ARHGAP6: variants seen among roughly 807,000 people sequenced by gnomAD.
ARHGAP6 encodes Rho GTPase activating protein 6.
ARHGAP6 carries 16 observed loss-of-function variants against 55.7 expected under a neutral mutation model. The observed-to-expected ratio is 0.29, with a 90% CI of 0.19 to 0.44. The LOEUF (loss-of-function observed/expected upper bound fraction) is 0.44, where lower values mean the gene tolerates loss of function less well. Among genes scored for constraint, ARHGAP6 ranks in the 20% least tolerant of loss-of-function variants. The pLI, the probability that ARHGAP6 is intolerant of heterozygous loss-of-function variation, is 1.00. For missense variants in ARHGAP6, 698 were observed against 808.9 expected (o/e 0.86, Z 1.66); for synonymous variants, 382 against 360.9 (o/e 1.06, Z -0.66).
chrX:11,542,777 A>T (rs898886351), intron 1 of ARHGAP6, among the ~76,000 whole-genome samples: 4 of 111,956 alleles, frequency 3.6e-5, no homozygotes, highest in African/African-American at 1.3e-4. Flanking sequence ...TTCCACCCCA[A>T]GAACACACAA....
intron 1 of ARHGAP6, among the ~76,000 whole-genome samples, chrX:11,255,081 G>A (rs2147486826): frequency 8.9e-6 from 1 of 111,789 alleles, no homozygotes; most frequent in South Asian, 3.7e-4. Context: ...GATATAGGGG[G>A]ATGAGTGTGT....
At chrX:11,153,524 CAAAAA>C (rs55669123) in intron 10 of ARHGAP6, among the ~76,000 whole-genome samples, 10 of 20,116 alleles carry the variant, frequency 5.0e-4, no homozygotes, top group East Asian at 2.1e-3. Flanking sequence ...GACTCGATCT[CAAAAA>C]AAAAAAAAAA....
At position 11,143,970 on chromosome X, in the gene ARHGAP6, C is replaced by G; in HGVS notation, c.2176+10G>C. On this transcript the variant is annotated intron_variant, in intron 11 of 12. Coordinates refer to ENST00000337414, the MANE Select transcript of ARHGAP6 (RefSeq NM_013427.3). ...TTTTGGCCAGCGCCTGCTGGCCAGG[C>G]TCCAGTTACCTTTCCCAAGCCTTGG... The G allele has an allele frequency of 8.3e-7, 1 of 1,212,121 alleles. No individual in the cohort carries two copies. The highest frequency in any genetic ancestry group is 1.1e-6 in the Non-Finnish European group (1 of 895,561).
At chrX:11,222,227 G>C (rs757309886) in intron 2 of ARHGAP6, among the ~76,000 whole-genome samples, 13 of 111,828 alleles carry the variant, frequency 1.2e-4, no homozygotes, top group African/African-American at 4.2e-4. Flanking sequence ...ATTCAAAAAA[G>C]TTTGAGAAAA....
intron 1 of ARHGAP6, among the ~76,000 whole-genome samples, chrX:11,386,191 A>T (rs2049326171): frequency 8.8e-6 from 1 of 113,137 alleles, no homozygotes; most frequent in South Asian, 3.6e-4. Flanking sequence ...CTCTGGAACG[A>T]ACCTGAGATG....
chrX:11,211,523 C>CCCAG (rs1326709475), intron 2 of ARHGAP6, among the ~76,000 whole-genome samples: 1 of 108,765 alleles, frequency 9.2e-6, no homozygotes. Flanking sequence ...GGCCACTGCG[C>CCCAG]CTGGCCTATG....
rs1438166031 is a variant in ARHGAP6, at chrX:11,139,501, A to G, written c.2287T>C (p.Ser763Pro). ...AGGGAGCAGGGCCCCGCTCTTAGGGAGCTGCTTTCAAAAATGTCTCCAGAG... is the reference window on the plus strand; with the variant it reads ...AGGGAGCAGGGCCCCGCTCTTAGGGGGCTGCTTTCAAAAATGTCTCCAGAG... ...GSSGDIFESS[S>P]LRAGPCSLSQ... Residue 763 changes from serine (S) to proline (P), a missense_variant, in exon 13 of 13, where the codon TCC (serine) becomes CCC (proline). By Grantham distance (74) the Ser-to-Pro change is moderately conservative. Transcript: ENST00000337414. 1 of 1,142,315 alleles carries G rather than the reference A, an allele frequency of 8.8e-7. No individual in the cohort carries two copies. Among genetic ancestry groups the G allele is most frequent in the Non-Finnish European group, 1.2e-6 (1 of 864,977 alleles). 94.1% of individuals were successfully genotyped at this position (1,142,315 alleles called of 1,213,427 possible). A position where few individuals can be genotyped will look rare whatever the true frequency, so the allele number is the denominator to read the frequency against.
At chrX:11,501,963 T>A (rs1248071686) in intron 1 of ARHGAP6, among the ~76,000 whole-genome samples, 1 of 111,527 alleles carries the variant, frequency 9.0e-6, no homozygotes, top group Admixed American at 9.5e-5. Context: ...ACTGTGTGTG[T>A]GTGTGCACAT....
chrX:11,358,868 C>T (rs1196724473), intron 1 of ARHGAP6, among the ~76,000 whole-genome samples: 1 of 111,724 alleles, frequency 9.0e-6, no homozygotes, highest in African/African-American at 3.3e-5. Context: ...TGACTTCCTG[C>T]CTTTTTATAA....
chrX:11,523,108 A>C (rs1044259095), intron 1 of ARHGAP6, among the ~76,000 whole-genome samples: 1 of 112,198 alleles, frequency 8.9e-6, no homozygotes, highest in African/African-American at 3.2e-5. Context: ...ATAATCCAGC[A>C]TATAAACAGA....
At chrX:11,501,602 A>G (rs1245527980) in intron 1 of ARHGAP6, among the ~76,000 whole-genome samples, 5 of 111,617 alleles carry the variant, frequency 4.5e-5, no homozygotes, top group African/African-American at 1.6e-4. Flanking sequence ...CTCCCCAAAA[A>G]CTTTACTTTT....
At chrX:11,391,640 C>T (rs904267983) in intron 1 of ARHGAP6, among the ~76,000 whole-genome samples, 1 of 112,080 alleles carries the variant, frequency 8.9e-6, no homozygotes, top group Non-Finnish European at 1.9e-5. Flanking sequence ...TTTTGCTGTA[C>T]GTTCTCATCA....
rs1219583888 is a variant in ARHGAP6, at chrX:11,548,883, AC to A, written c.588+115357del. ...CTCAGCCTCCCAAAGTGCTGGAATT[AC>A]GGGCATGAGCCACTGTGCCCAGCCG... On this transcript the variant is annotated intron_variant, in intron 1 of 12. Coordinates refer to ENST00000337414, the MANE Select transcript of ARHGAP6 (RefSeq NM_013427.3). Among the ~76,000 whole-genome samples the A allele has an allele frequency of 3.6e-5, 4 of 112,305 alleles. No individual in the cohort carries two copies. The East Asian group carries it at 8.4e-4, about 24-fold the overall frequency.
chrX:11,238,498 TG>T (rs2047233300), intron 2 of ARHGAP6, among the ~76,000 whole-genome samples: 1 of 112,305 alleles, frequency 8.9e-6, no homozygotes, highest in African/African-American at 3.2e-5. Context: ...GGAGACATTG[TG>T]GTTCTTTCCT....
At chrX:11,170,049 C>T (rs1458686252) in intron 8 of ARHGAP6, among the ~76,000 whole-genome samples, 1 of 111,764 alleles carries the variant, frequency 8.9e-6, no homozygotes, top group Non-Finnish European at 1.9e-5. Flanking sequence ...CCCATAATCT[C>T]ACCACTGATC....
rs367684676 is a variant in ARHGAP6, at chrX:11,346,874, C to A, written c.589-92167G>T. Among the ~76,000 whole-genome samples the A allele has an allele frequency of 9.0e-5, 10 of 111,708 alleles. No homozygotes were observed. In the East Asian group the frequency reaches 2.2e-3, roughly 25 times the overall value. On this transcript the variant is annotated intron_variant, in intron 1 of 12. Coordinates refer to ENST00000337414, the MANE Select transcript of ARHGAP6 (RefSeq NM_013427.3). ...TTTATACTACATTTTTGCTTTAATA[C>A]AGAAAAAACAATTATAAAGACCCAA...
At chrX:11,151,923 T>C (rs2045785781) in intron 10 of ARHGAP6, among the ~76,000 whole-genome samples, 1 of 112,110 alleles carries the variant, frequency 8.9e-6, no homozygotes, top group Non-Finnish European at 1.9e-5. Flanking sequence ...GACACAATGC[T>C]ATAACTTAAA....
At chrX:11,504,849 G>T (rs1472738759) in intron 1 of ARHGAP6, among the ~76,000 whole-genome samples, 1 of 112,424 alleles carries the variant, frequency 8.9e-6, no homozygotes, top group Non-Finnish European at 1.9e-5. Flanking sequence ...ATATTTCAAT[G>T]TCACATTGGA....
intron 1 of ARHGAP6, among the ~76,000 whole-genome samples, chrX:11,649,671 T>G (rs2052565018): frequency 8.9e-6 from 1 of 112,208 alleles, no homozygotes; most frequent in Admixed American, 9.5e-5. Flanking sequence ...TCTTATCTTT[T>G]CTTCACAAAG....
Sources: gnomAD v4.1 joint callset for allele counts (sites outside exome capture counted in the v4.1 genomes callset) on GRCh38, gnomAD v4.1.1 for gene constraint, MANE v1.5 for transcripts, NCBI Gene and HGNC (gene_info 2026-07-23, HGNC 2026-07-21) for gene names.